The following AP4E1 variants were observed in gnomAD, a reference collection of about 807,000 sequenced individuals.
The protein encoded by AP4E1 is AP-4 complex subunit epsilon-1.
In AP4E1, 56 loss-of-function variants were observed where a neutral mutation model predicts 128.2. That is an observed-to-expected ratio of 0.44 (90% confidence interval 0.35 to 0.55). The LOEUF is 0.55. Among genes scored for constraint, AP4E1 ranks in the 20% least tolerant of loss-of-function variants. The pLI is 0.00. For synonymous variants in AP4E1, 484 were observed against 473.1 expected, an observed-to-expected ratio of 1.02 and a Z score of -0.30; for missense variants, 1,324 against 1,307.7, an observed-to-expected ratio of 1.01 and a Z score of -0.19.
intron 14 of AP4E1, among the ~76,000 whole-genome samples, chr15:50,964,335 G>A (rs962807637): frequency 6.6e-6 from 1 of 151,718 alleles, no homozygotes; most frequent in African/African-American, 2.4e-5. Flanking sequence ...TATTTATGAT[G>A]TCTACCTCTG....
rs755016390 is a variant in AP4E1, at chr15:50,999,236, A to T, written c.3069A>T (p.Val1023=). ...ATTCTGCTCAGCTGGAATTTTCTGT[A>T]AACTTATCACTATTAGATTTCATTA... ...DTHSAQLEFS[V]NLSLLDFIRP... is the part of the protein sequence containing the mutation. The change falls in exon 19 of 21, where the codon GTA becomes GTT. Residue 1023 remains valine, a synonymous_variant. Coordinates refer to ENST00000261842, the MANE Select transcript of AP4E1 (RefSeq NM_007347.5). 11 of 1,611,960 alleles carry T rather than the reference A, an allele frequency of 6.8e-6. No homozygotes were observed. Among genetic ancestry groups the T allele is most frequent in the Middle Eastern group, 1.8e-4 (1 of 5,698 alleles).
intron 16 of AP4E1, among the ~76,000 whole-genome samples, chr15:50,990,586 A>G (rs1427050686): frequency 6.6e-6 from 1 of 151,964 alleles, no homozygotes; most frequent in African/African-American, 2.4e-5. Flanking sequence ...GTGTTTTGCC[A>G]AGTTGGCCAG....
intron 16 of AP4E1, among the ~76,000 whole-genome samples, chr15:50,987,854 G>A (rs983105376): frequency 6.6e-6 from 1 of 151,994 alleles, no homozygotes. Flanking sequence ...TTGCTCTTAA[G>A]GTATTTATAT....
At chr15:50,975,981 AAAGAG>A (rs2064545559) in intron 15 of AP4E1, among the ~76,000 whole-genome samples, 1 of 151,734 alleles carries the variant, frequency 6.6e-6, no homozygotes, top group Admixed American at 6.6e-5. Flanking sequence ...AGAGAGAGAG[AAAGAG>A]AGAGAGAGTT....
Position 50,930,741 on chromosome 15 carries a change from C to T in AP4E1, c.703-64C>T, listed in dbSNP as rs901108068. On this transcript the variant is annotated intron_variant, in intron 6 of 20. Transcript: ENST00000261842. ...TTAAGTCAGGTTCTATATGACATTT[C>T]AATTAGGTCTATTTCTATTTAATAA... 1.9e-5 allele frequency: 28 copies of T among 1,510,782 alleles called. No homozygotes were observed. The African/African-American group carries it at 3.7e-4, about 20-fold the overall frequency. 93.6% of individuals were successfully genotyped at this position (1,510,782 alleles called of 1,614,324 possible).
chr15:50,908,609 TG>T, upstream of AP4E1: 2 of 873,530 alleles, frequency 2.3e-6, no homozygotes, highest in Non-Finnish European at 3.2e-6. Flanking sequence ...CGCCCTCTGG[TG>T]GCCTCTCGCG....
intron 14 of AP4E1, among the ~76,000 whole-genome samples, chr15:50,963,134 A>T (rs914878858): frequency 6.6e-6 from 1 of 152,156 alleles, no homozygotes; most frequent in African/African-American, 2.4e-5. Flanking sequence ...AAACTCATGC[A>T]CTGTTAGTAG....
rs1017330063 is a variant in AP4E1, at chr15:50,912,293, T to A, written c.222+144T>A. 54 of 815,998 alleles carry A rather than the reference T, an allele frequency of 6.6e-5. No homozygotes were observed. The African/African-American group carries it at 8.3e-4, about 13-fold the overall frequency. The allele number at this position is 815,998 out of a possible 1,614,324, so 50.5% of individuals were successfully genotyped here. ...ATTATAGTTGGTAGCAACTCAGATG[T>A]TAACTTTAGCCTTTTATTGTTGACT... On this transcript the variant is annotated intron_variant, in intron 2 of 20. Coordinates refer to ENST00000261842, the MANE Select transcript of AP4E1 (RefSeq NM_007347.5).
At chr15:50,947,434 A>G (rs1196028374) in intron 10 of AP4E1, among the ~76,000 whole-genome samples, 3 of 145,446 alleles carry the variant, frequency 2.1e-5, no homozygotes, top group Admixed American at 1.4e-4. Flanking sequence ...AAAAAAAAAA[A>G]GTAGCTATAA....
intron 3 of AP4E1, among the ~76,000 whole-genome samples, chr15:50,922,813 TGTC>T (rs1261814737): frequency 6.6e-6 from 1 of 151,586 alleles, no homozygotes; most frequent in African/African-American, 2.4e-5. Context: ...AGTCTTGCTC[TGTC>T]GTCTGGTCTG....
chr15:50,934,579 T>C (rs2063881863), intron 7 of AP4E1, 45 bp from the exon 8 acceptor site: 1 of 1,342,090 alleles, frequency 7.5e-7, no homozygotes, highest in African/African-American at 1.4e-5. Context: ...TTTTATTGGG[T>C]TAGAATACTA....
In AP4E1 at chr15:50,909,167, C is replaced by T. The variant is rs28736316; in HGVS notation, c.150+239C>T. On this transcript the variant is annotated intron_variant, in intron 1 of 20. Transcript: ENST00000261842. Reference sequence around the variant, plus strand: ...GACACTGACTCTTTGATCGGGGGCACATCTCTGTAACCTCTGAGCCTCCGT... The same window carrying T: ...GACACTGACTCTTTGATCGGGGGCATATCTCTGTAACCTCTGAGCCTCCGT... Among the ~76,000 whole-genome samples the T allele has an allele frequency of 5.0e-3, 761 of 152,372 alleles. 11 individuals carry two copies. Among genetic ancestry groups the T allele is most frequent in the African/African-American group, 0.018 (737 of 41,590 alleles).
chr15:50,960,352 C>T (rs960982969), intron 14 of AP4E1, among the ~76,000 whole-genome samples: 2 of 152,080 alleles, frequency 1.3e-5, no homozygotes, highest in Non-Finnish European at 2.9e-5. Context: ...GAACATTCTC[C>T]AGGACAGACC....
chr15:50,982,902 T>C (rs1176874852), intron 15 of AP4E1, among the ~76,000 whole-genome samples: 2 of 152,210 alleles, frequency 1.3e-5, no homozygotes, highest in African/African-American at 4.8e-5. Context: ...ACAAACTCTT[T>C]ACCACAGTTT....
chr15:50,987,463 C>G (rs2064744556), intron 16 of AP4E1, among the ~76,000 whole-genome samples: 1 of 152,216 alleles, frequency 6.6e-6, no homozygotes, highest in African/African-American at 2.4e-5. Context: ...TCCCTCTACA[C>G]ACTACTTTAA....
chr15:50,988,037 C>T (rs1002406840), intron 16 of AP4E1, among the ~76,000 whole-genome samples: 6 of 152,066 alleles, frequency 3.9e-5, no homozygotes, highest in Non-Finnish European at 7.4e-5. Flanking sequence ...CTACATTCCT[C>T]ATTCTTCTGA....
chr15:50,969,711 T>G (rs1468055816), intron 15 of AP4E1, among the ~76,000 whole-genome samples: 1 of 150,874 alleles, frequency 6.6e-6, no homozygotes, highest in African/African-American at 2.4e-5. Flanking sequence ...CAGGCTTGAG[T>G]GCAGTGGCGT....
chr15:50,958,923 C>T (rs2140878702), intron 14 of AP4E1, 129 bp downstream of exon 14: 1 of 1,011,072 alleles, frequency 9.9e-7, no homozygotes. Context: ...TGTTGGAGTT[C>T]CTTTTCACAT....
chr15:50,956,947 C>T (rs141438697), intron 13 of AP4E1, among the ~76,000 whole-genome samples: 4 of 152,288 alleles, frequency 2.6e-5, no homozygotes, highest in African/African-American at 9.6e-5. Flanking sequence ...TGAGCGGGTG[C>T]AGGAGCCAGA....
Sources: allele counts gnomAD v4.1 joint callset (sites outside exome capture counted in the v4.1 genomes callset), GRCh38; gene constraint gnomAD v4.1.1; transcripts MANE v1.5; gene names NCBI Gene and HGNC (gene_info 2026-07-23, HGNC 2026-07-21).